The following LARGE1 variants were observed in gnomAD, a reference collection of about 807,000 sequenced individuals.
LARGE1 encodes LARGE xylosyl- and glucuronyltransferase 1.
LARGE1 carries 43 observed loss-of-function variants against 87.6 expected under a neutral mutation model. That is an observed-to-expected ratio of 0.49 (90% confidence interval 0.38 to 0.63). The LOEUF (loss-of-function observed/expected upper bound fraction) is 0.63. LARGE1 is among the 30% of genes least tolerant of loss of function. The pLI, the probability that LARGE1 is intolerant of heterozygous loss-of-function variation, is 0.00. For synonymous variants in LARGE1, 434 were observed against 394.6 expected (o/e 1.10, Z -1.18); for missense variants, 802 against 1,000.2 (o/e 0.80, Z 2.67).
intron 6 of LARGE1, among the ~76,000 whole-genome samples, chr22:33,458,433 A>AC (rs1324195770): frequency 1.5e-5 from 2 of 134,510 alleles, no homozygotes; most frequent in African/African-American, 5.6e-5. Flanking sequence ...GTTATTTTTT[A>AC]TTTTTTTATT....
At chr22:33,777,750 GA>G (rs749593204) in intron 1 of LARGE1, among the ~76,000 whole-genome samples, 187 of 152,042 alleles carry the variant, frequency 1.2e-3, no homozygotes, top group Non-Finnish European at 2.3e-3. Context: ...AGGGAGGAAG[GA>G]AGGACTAATG....
chr22:33,519,098 T>A lies in LARGE1; in HGVS notation c.787+45750A>T, dbSNP rs114184733. Among the ~76,000 whole-genome samples the A allele has an allele frequency of 5.3e-3, 812 of 152,314 alleles. 6 individuals are homozygous for A. Among genetic ancestry groups the A allele is most frequent in the African/African-American group, 0.018 (757 of 41,584 alleles). On this transcript the variant is annotated intron_variant, in intron 6 of 14. Coordinates refer to ENST00000397394, the MANE Select transcript of LARGE1 (RefSeq NM_133642.5). The stretch of plus-strand genomic sequence containing the variant: ...GCTTGATTCCACAGAGCACTCTGGC[T>A]TTCTGCAGATTAAAAAAAAATCTCA...
chr22:33,623,088 G>GT (rs2079806290), intron 4 of LARGE1, among the ~76,000 whole-genome samples: 1 of 150,402 alleles, frequency 6.6e-6, no homozygotes, highest in East Asian at 1.9e-4. Flanking sequence ...GAGAAATAGC[G>GT]TAATTGAATA....
intron 2 of LARGE1, among the ~76,000 whole-genome samples, chr22:33,730,277 T>G (rs1340388643): frequency 6.6e-6 from 1 of 152,236 alleles, no homozygotes; most frequent in Non-Finnish European, 1.5e-5. Context: ...TTTACTTCAC[T>G]GTAAGAGTAC....
intron 4 of LARGE1, among the ~76,000 whole-genome samples, chr22:33,623,928 G>T (rs2079837366): frequency 6.6e-6 from 1 of 152,088 alleles, no homozygotes; most frequent in Non-Finnish European, 1.5e-5. Context: ...TACTTGGGCA[G>T]CTGTGGCAGG....
chr22:33,161,337 T>A (rs950776019), downstream of LARGE1, among the ~76,000 whole-genome samples: 3 of 152,006 alleles, frequency 2.0e-5, no homozygotes, highest in Non-Finnish European at 2.9e-5. Flanking sequence ...CCCCGGCCCC[T>A]CCCAAATCTC....
At chr22:33,582,312 T>C (rs988781020) in intron 5 of LARGE1, among the ~76,000 whole-genome samples, 2 of 152,176 alleles carry the variant, frequency 1.3e-5, no homozygotes, top group African/African-American at 4.8e-5. Flanking sequence ...TGAAAAGTCT[T>C]TGTCCTGGTA....
chr22:33,211,425 T>C (rs1386911750), intron 11 of LARGE1, among the ~76,000 whole-genome samples: 1 of 152,204 alleles, frequency 6.6e-6, no homozygotes, highest in Non-Finnish European at 1.5e-5. Context: ...GCTAGGCCTC[T>C]TGTCCCAAAC....
intron 1 of LARGE1, among the ~76,000 whole-genome samples, chr22:33,880,721 G>A (rs1351469804): frequency 2.6e-5 from 4 of 152,080 alleles, no homozygotes. Context: ...TCAACTAGGT[G>A]TTGCTTTAAA....
At chr22:33,922,496 G>A (rs2065976753), upstream of LARGE1, 1 of 152,096 alleles carries the variant, frequency 6.6e-6, no homozygotes, top group Non-Finnish European at 1.5e-5. Flanking sequence ...GCGGCTGACC[G>A]AGCCCAGCAG....
intron 1 of LARGE1, among the ~76,000 whole-genome samples, chr22:33,768,025 A>G (rs2084957420): frequency 6.6e-6 from 1 of 152,244 alleles, no homozygotes; most frequent in African/African-American, 2.4e-5. Context: ...AACAGGTCCT[A>G]TAGGCCGGGC....
chr22:33,162,863 A>G (rs1273174905), exon 12 of LARGE1: 1 of 152,226 alleles, frequency 6.6e-6, no homozygotes, highest in Admixed American at 6.5e-5. Flanking sequence ...GATTGTCACC[A>G]ATTAAAAGGT....
intron 9 of LARGE1, among the ~76,000 whole-genome samples, chr22:33,338,523 T>C (rs1464517181): frequency 2.0e-5 from 3 of 152,238 alleles, no homozygotes; most frequent in Non-Finnish European, 4.4e-5. Flanking sequence ...GTGAACACTT[T>C]ATGCCTTATA....
At chr22:33,203,442 C>T (rs190203210) in intron 11 of LARGE1, among the ~76,000 whole-genome samples, 17 of 152,226 alleles carry the variant, frequency 1.1e-4, no homozygotes. Flanking sequence ...AACCACTGAG[C>T]GGTGATCCTT....
At chr22:33,252,700 A>T (rs1927066937) in intron 11 of LARGE1, among the ~76,000 whole-genome samples, 1 of 152,206 alleles carries the variant, frequency 6.6e-6, no homozygotes, top group South Asian at 2.1e-4. Context: ...TGTTATTTAC[A>T]ACTTTGTCAG....
intron 10 of LARGE1, among the ~76,000 whole-genome samples, chr22:33,331,928 T>A (rs1937765003): frequency 6.6e-6 from 1 of 152,148 alleles, no homozygotes; most frequent in South Asian, 2.1e-4. Flanking sequence ...CTCTCCCTAG[T>A]TGTGTAAAAT....
intron 7 of LARGE1, among the ~76,000 whole-genome samples, chr22:33,396,451 CAGAGAGAGTGACAGAGAG>C (rs2065743863): frequency 9.2e-6 from 1 of 108,432 alleles, no homozygotes; most frequent in Non-Finnish European, 1.7e-5. Context: ...GAGTGAGAGA[CAGAGAGAGTGACAGAGAG>C]AGAGAGAGAG....
At chr22:33,299,256 AAG>A (rs1015980248) in intron 12 of LARGE1, among the ~76,000 whole-genome samples, 8 of 151,522 alleles carry the variant, frequency 5.3e-5, no homozygotes, top group African/African-American at 1.9e-4. Context: ...AAAATGAGAA[AAG>A]AGAGAAAAAG....
chr22:33,408,645 A>G (rs2066188779), intron 7 of LARGE1, among the ~76,000 whole-genome samples: 1 of 151,904 alleles, frequency 6.6e-6, no homozygotes, highest in Non-Finnish European at 1.5e-5. Context: ...ATTAATGGAC[A>G]CTGCAATTAG....
Sources: gnomAD v4.1 joint callset for allele counts (sites outside exome capture counted in the v4.1 genomes callset) on GRCh38, gnomAD v4.1.1 for gene constraint, MANE v1.5 for transcripts, NCBI Gene and HGNC (gene_info 2026-07-23, HGNC 2026-07-21) for gene names.